Variants in TXNL4A observed in about 807,000 individuals in gnomAD.
The protein encoded by TXNL4A is thioredoxin-like protein 4A.
TXNL4A carries 17 observed loss-of-function variants against 14.6 expected under a neutral mutation model. The ratio of observed to expected loss-of-function variants is 1.16; its 90% confidence interval spans 0.80 to 1.74. The LOEUF is 1.74. TXNL4A is among the 40% of genes most tolerant of loss of function. The pLI is 0.00. For missense variants in TXNL4A, 74 were observed against 195.2 expected (o/e 0.38, Z 3.70); for synonymous variants, 83 against 70.6 (o/e 1.18, Z -0.88).
At chr18:79,990,920 C>T (rs973702549), upstream of TXNL4A, among the ~76,000 whole-genome samples, 4 of 151,142 alleles carry the variant, frequency 2.6e-5, no homozygotes, top group Admixed American at 6.6e-5. Flanking sequence ...CTGGCTAACA[C>T]GGTGAAACCC....
chr18:79,988,220 G>T lies in TXNL4A; in HGVS notation c.153+20C>A, dbSNP rs377583001. On this transcript the variant is annotated intron_variant, in intron 1 of 2. Transcript: ENST00000269601. ...GATGCGGAAGCACAGCCCGCAGAGC[G>T]GGAGAGTCCGGCGCGCTACCTTCTC... is the stretch of plus-strand genomic sequence containing the variant. The T allele has an allele frequency of 1.3e-6, 2 of 1,501,110 alleles. No homozygotes were observed. The highest frequency in any genetic ancestry group is 1.8e-5 in the Admixed American group (1 of 55,748). 93.0% of individuals were successfully genotyped at this position (1,501,110 alleles called of 1,614,324 possible).
intron 1 of TXNL4A, among the ~76,000 whole-genome samples, chr18:80,008,631 G>C (rs1014023550): frequency 6.6e-6 from 1 of 151,886 alleles, no homozygotes; most frequent in African/African-American, 2.4e-5. Context: ...TTACCTGAGT[G>C]CTTCCCCCCG....
intron 2 of TXNL4A, chr18:79,976,754 G>A: frequency 4.4e-6 from 2 of 456,492 alleles, no homozygotes; most frequent in South Asian, 3.1e-5. Context: ...ATGGTCTAAT[G>A]CTCATGTAGC....
upstream of TXNL4A, among the ~76,000 whole-genome samples, chr18:79,991,570 A>C (rs1555719652): frequency 6.6e-6 from 1 of 152,140 alleles, no homozygotes; most frequent in Non-Finnish European, 1.5e-5. Flanking sequence ...GGTTGTTTGC[A>C]TTTTTTTACT....
In TXNL4A at chr18:80,019,859, G is replaced by A. The variant is rs556731799; in HGVS notation, c.-61+13992C>T. On this transcript the variant is annotated intron_variant, in intron 1 of 2. Coordinates refer to the TXNL4A transcript ENST00000585474. ...ACCCTCAGGGTGTGTGTTTTTTTGC[G>A]TAGCGTTAAAAATGCTCCCATACCA... Among the ~76,000 whole-genome samples, 21 of 152,080 alleles carry A rather than the reference G, an allele frequency of 1.4e-4. No homozygotes were observed. In the East Asian group the frequency reaches 3.1e-3, roughly 22 times the overall value.
In TXNL4A at chr18:80,011,861, AGTAGTT is replaced by A. The variant is rs1355032042; in HGVS notation, c.-61+21984_-61+21989del. On this transcript the variant is annotated intron_variant, in intron 1 of 2. Coordinates refer to the TXNL4A transcript ENST00000585474. This position sits in a 1 kb window ranked among gnomAD's most constrained non-coding sequence, Gnocchi z 4.1. ...ATGAAGACATTTTTTAAAGATCTTA[AGTAGTT>A]TAGACACACGCCTTTGCTCGAGGAA... Among the ~76,000 whole-genome samples the A allele has an allele frequency of 6.6e-6, 1 of 152,174 alleles. No homozygotes were observed. Among genetic ancestry groups the A allele is most frequent in the Non-Finnish European group, 1.5e-5 (1 of 68,036 alleles).
In TXNL4A at chr18:80,010,309, G is replaced by A. The variant is rs112557320; in HGVS notation, c.-61+23542C>T. 1.9e-3 allele frequency among the ~76,000 whole-genome samples: 294 copies of A among 152,126 alleles called. 1 individual carries two copies. The highest frequency in any genetic ancestry group is 6.8e-3 in the African/African-American group (284 of 41,534). On this transcript the variant is annotated intron_variant, in intron 1 of 2. Coordinates refer to the TXNL4A transcript ENST00000585474. ...AAAGAGGAAGAAAGGTGCTTAGTCT[G>A]CAGGCTGTCTTCGAGAACACGTGAC... is the stretch of plus-strand genomic sequence containing the variant.
chr18:80,008,763 T>C (rs1568377303), intron 1 of TXNL4A, among the ~76,000 whole-genome samples: 1 of 152,146 alleles, frequency 6.6e-6, no homozygotes, highest in African/African-American at 2.4e-5. Flanking sequence ...AAATTCATTC[T>C]ACTTCATTTT....
chr18:79,991,785 C>T (rs1179693413), upstream of TXNL4A, among the ~76,000 whole-genome samples: 4 of 152,154 alleles, frequency 2.6e-5, no homozygotes, highest in Admixed American at 2.0e-4. Context: ...CCTCGTGAAC[C>T]CCAAAAATCT....
At chr18:79,990,526 A>C (rs1275849846), upstream of TXNL4A, among the ~76,000 whole-genome samples, 1 of 152,188 alleles carries the variant, frequency 6.6e-6, no homozygotes, top group Non-Finnish European at 1.5e-5. Flanking sequence ...CTGAGCCCTT[A>C]CTAAGGTCAG....
intron 1 of TXNL4A, among the ~76,000 whole-genome samples, chr18:80,017,854 G>T (rs1191684995): frequency 6.6e-6 from 1 of 151,810 alleles, no homozygotes; most frequent in Non-Finnish European, 1.5e-5. Flanking sequence ...CCCAGCTTTG[G>T]TATCAGGATG....
chr18:79,999,582 A>G (rs4283293), intron 1 of TXNL4A, among the ~76,000 whole-genome samples: 118,402 of 150,888 alleles, frequency 0.78, 47,188 homozygotes, highest in East Asian at 0.91. Flanking sequence ...AAAATAGTTC[A>G]CAACCATAAA....
intron 1 of TXNL4A, among the ~76,000 whole-genome samples, chr18:80,027,088 G>A (rs1212453162): frequency 1.3e-5 from 2 of 152,064 alleles, no homozygotes; most frequent in Admixed American, 6.6e-5. Flanking sequence ...AAGGATGTCC[G>A]TTCCACTTAC....
At position 80,016,468 on chromosome 18, in the gene TXNL4A, T is replaced by TA. The variant is rs1183558923; in HGVS notation, c.-61+17382_-61+17383insT. ...TATGTCCTGAATGGTAATGCCTAGG[T>TA]TTTCTTCTAGGGTTTTTATGGTTTT... is the stretch of plus-strand genomic sequence containing the variant. On this transcript the variant is annotated intron_variant, in intron 1 of 2. Coordinates refer to the TXNL4A transcript ENST00000585474. 4.0e-5 allele frequency among the ~76,000 whole-genome samples: 6 copies of TA among 151,836 alleles called. No individual in the cohort carries two copies. The South Asian group carries it at 1.0e-3, about 26-fold the overall frequency.
chr18:80,003,701 T>C (rs11662779), intron 1 of TXNL4A, among the ~76,000 whole-genome samples: 37,479 of 152,146 alleles, frequency 0.25, 5,888 homozygotes, highest in Non-Finnish European at 0.36. Context: ...CTCATGCTGC[T>C]ATGAAAAAAC....
At chr18:79,994,089 G>A (rs1475665915) in intron 1 of TXNL4A, among the ~76,000 whole-genome samples, 1 of 152,202 alleles carries the variant, frequency 6.6e-6, no homozygotes, top group Non-Finnish European at 1.5e-5. Context: ...AACCCCAGCA[G>A]CTGAGGAACA....
chr18:80,022,446 T>G (rs952314091), intron 1 of TXNL4A, among the ~76,000 whole-genome samples: 2 of 152,250 alleles, frequency 1.3e-5, no homozygotes, highest in African/African-American at 2.4e-5. Flanking sequence ...CTGGGAACCT[T>G]GGACTATTTG....
At chr18:79,986,793 A>G in intron 1 of TXNL4A, 1 of 984,152 alleles carries the variant, frequency 1.0e-6, no homozygotes, top group Non-Finnish European at 1.2e-6. Flanking sequence ...TCATAACTCA[A>G]AGTCAATACA....
intron 1 of TXNL4A, among the ~76,000 whole-genome samples, chr18:80,006,660 G>A (rs1211272045): frequency 6.6e-6 from 1 of 152,192 alleles, no homozygotes; most frequent in Non-Finnish European, 1.5e-5. Context: ...AGGAAATTGA[G>A]GACGTAGACC....
Sources: allele counts gnomAD v4.1 joint callset (sites outside exome capture counted in the v4.1 genomes callset), GRCh38; gene constraint gnomAD v4.1.1; non-coding constraint Gnocchi (gnomAD v3.1); transcripts MANE v1.5; gene names NCBI Gene and HGNC (gene_info 2026-07-23, HGNC 2026-07-21).